SGO2: variants seen among roughly 807,000 people sequenced by gnomAD.
The protein encoded by SGO2 is shugoshin-like 2.
In SGO2, 68 loss-of-function variants were observed where a neutral mutation model predicts 99.5. The ratio of observed to expected loss-of-function variants is 0.68; its 90% confidence interval spans 0.56 to 0.84. The LOEUF (loss-of-function observed/expected upper bound fraction) is 0.84, where lower values mean the gene tolerates loss of function less well. Among genes scored for constraint, SGO2 ranks in the 40% least tolerant of loss-of-function variants. The pLI is 0.00. For synonymous variants in SGO2, 457 were observed against 487.1 expected, an observed-to-expected ratio of 0.94 and a Z score of 0.81; for missense variants, 1,350 against 1,436.7, an observed-to-expected ratio of 0.94 and a Z score of 0.97.
rs549080083 is a variant in SGO2, at chr2:200,556,678, G to A, written c.474-12985G>A. Among the ~76,000 whole-genome samples the A allele has an allele frequency of 5.3e-5, 8 of 152,268 alleles. No homozygotes were observed. In the East Asian group the frequency reaches 1.2e-3, roughly 22 times the overall value. Reference sequence around the variant, plus strand: ...GCCATAGTGAAAAGACAAAGCCTTCGCCAGTAAGCTACAGCATTGGGCAGT... The same window carrying A: ...GCCATAGTGAAAAGACAAAGCCTTCACCAGTAAGCTACAGCATTGGGCAGT... On this transcript the variant is annotated intron_variant, in intron 5 of 8. Coordinates refer to ENST00000357799, the MANE Select transcript of SGO2 (RefSeq NM_152524.6).
At chr2:200,534,287 G>T (rs969498045) in intron 2 of SGO2, among the ~76,000 whole-genome samples, 2 of 152,132 alleles carry the variant, frequency 1.3e-5, no homozygotes, top group African/African-American at 4.8e-5. Flanking sequence ...CTTTACCAGG[G>T]AATTCACAAT....
chr2:200,541,482 A>G (rs943019225), intron 4 of SGO2, among the ~76,000 whole-genome samples: 1 of 151,964 alleles, frequency 6.6e-6, no homozygotes, highest in East Asian at 1.9e-4. Flanking sequence ...CCTCATTCCC[A>G]TCTTCTGCCT....
In SGO2 at chr2:200,571,582, A is replaced by T. The variant is rs775793909; in HGVS notation, c.1236A>T (p.Arg412Ser). 2.0e-5 allele frequency: 33 copies of T among 1,612,292 alleles called. No homozygotes were observed. Among genetic ancestry groups the T allele is most frequent in the Admixed American group, 1.2e-4 (7 of 59,666 alleles). ...CCAGCTCTGAAAAAAAGAGAGAAAG[A>T]TCAAAGAGACAGTTTAAAAATAGTT... ...KDSSSEKKRERSKRQFKNSSD... is the reference protein window; with the variant it reads ...KDSSSEKKRESSKRQFKNSSD... The change falls in exon 7 of 9, where the codon AGA becomes AGT. Residue 412 changes from arginine (R) to serine (S), a missense_variant. Transcript: ENST00000357799.
intron 5 of SGO2, among the ~76,000 whole-genome samples, chr2:200,561,864 G>T (rs2032985021): frequency 6.6e-6 from 1 of 152,278 alleles, no homozygotes; most frequent in Admixed American, 6.5e-5. Flanking sequence ...CTTCTTTTGA[G>T]AAGTGTCTGT....
rs2033907574 is a variant in SGO2, at chr2:200,583,648, AT to A, written c.*188del. The A allele has an allele frequency of 2.6e-6, 1 of 383,604 alleles. No individual in the cohort carries two copies. The highest frequency in any genetic ancestry group is 4.6e-6 in the Non-Finnish European group (1 of 217,354). 23.8% of individuals were successfully genotyped at this position (383,604 alleles called of 1,614,324 possible). A position where few individuals can be genotyped will look rare whatever the true frequency, so the allele number is the denominator to read the frequency against. ...ATAGGTATATGTGCATAAAATAGCT[AT>A]TTTGTAACATTAAACTTTTTGAGTC... On this transcript the variant is annotated 3_prime_UTR_variant, in exon 9 of 9. Coordinates refer to ENST00000357799, the MANE Select transcript of SGO2 (RefSeq NM_152524.6).
intron 1 of SGO2, among the ~76,000 whole-genome samples, chr2:200,527,359 A>G (rs1440001129): frequency 6.6e-6 from 1 of 152,226 alleles, no homozygotes; most frequent in Non-Finnish European, 1.5e-5. Context: ...GAGATGAACT[A>G]GATTTCTATG....
chr2:200,542,717 A>T, intron 5 of SGO2, 53 bp downstream of exon 5: 1 of 1,443,170 alleles, frequency 6.9e-7, no homozygotes, highest in Non-Finnish European at 9.7e-7. Flanking sequence ...TTTATATAAC[A>T]CAATTAGTGT....
At position 200,542,679 on chromosome 2, in the gene SGO2, G is replaced by C. The variant is rs374844295; in HGVS notation, c.473+15G>C. The C allele has an allele frequency of 2.5e-6, 4 of 1,595,578 alleles. No individual in the cohort carries two copies. Among genetic ancestry groups the C allele is most frequent in the Non-Finnish European group, 3.4e-6 (4 of 1,164,562 alleles). On this transcript the variant is annotated intron_variant, in intron 5 of 8. Transcript: ENST00000357799. ...CCATTTGCAAGGTAAATATGGGCTT[G>C]AATTACACTAGTTCAGAGTATATAG... is the stretch of plus-strand genomic sequence containing the variant.
chr2:200,539,603 A>T (rs2031862478), intron 4 of SGO2, among the ~76,000 whole-genome samples: 1 of 152,072 alleles, frequency 6.6e-6, no homozygotes, highest in Non-Finnish European at 1.5e-5. Flanking sequence ...TGTAGGTAAG[A>T]TGCCATTTTT....
intron 5 of SGO2, among the ~76,000 whole-genome samples, chr2:200,561,439 A>G (rs1285850983): frequency 6.6e-6 from 1 of 152,136 alleles, no homozygotes; most frequent in Non-Finnish European, 1.5e-5. Context: ...AACCCAGTCT[A>G]TCATTGTTGG....
chr2:200,564,393 A>T (rs2033101631), intron 5 of SGO2, among the ~76,000 whole-genome samples: 1 of 152,148 alleles, frequency 6.6e-6, no homozygotes, highest in African/African-American at 2.4e-5. Flanking sequence ...CTCAATCCTG[A>T]GTTCTAGTTT....
Position 200,533,547 on chromosome 2 carries a change from G to GTGTGTGTGTGTGTA in SGO2, c.133+440_133+441insGTGTGTGTGTGTAT, listed in dbSNP as rs1396628320. Among the ~76,000 whole-genome samples, 533 of 143,042 alleles carry GTGTGTGTGTGTGTA rather than the reference G, an allele frequency of 3.7e-3. 1 individual carries two copies. The highest frequency in any genetic ancestry group is 4.9e-3 in the Non-Finnish European group (320 of 65,552). The allele number at this position is 143,042 out of a possible 152,430, so 93.8% of individuals were successfully genotyped here. A position where few individuals can be genotyped will look rare whatever the true frequency, so the allele number is the denominator to read the frequency against. On this transcript the variant is annotated intron_variant, in intron 2 of 8. Transcript: ENST00000357799. ...TGTGTGTGTGTGTGTGTGTGTGTGT[G>GTGTGTGTGTGTGTA]TATACATGTGACTTTATATAGGCAA...
At chr2:200,568,762 C>T (rs531744990) in intron 5 of SGO2, among the ~76,000 whole-genome samples, 22 of 152,288 alleles carry the variant, frequency 1.4e-4, no homozygotes, top group African/African-American at 4.6e-4. Context: ...GCACCCCCTT[C>T]GCTAGCTCTC....
chr2:200,542,686 A>C lies in SGO2; in HGVS notation c.473+22A>C, dbSNP rs997246711. The C allele has an allele frequency of 6.3e-6, 10 of 1,577,652 alleles. No individual in the cohort carries two copies. In the Admixed American group the frequency reaches 1.7e-4, roughly 27 times the overall value. ...CAAGGTAAATATGGGCTTGAATTAC[A>C]CTAGTTCAGAGTATATAGATTTTAT... is the stretch of plus-strand genomic sequence containing the variant. On this transcript the variant is annotated intron_variant, in intron 5 of 8. Transcript: ENST00000357799.
At chr2:200,554,723 ACACT>A (rs1232654286) in intron 5 of SGO2, among the ~76,000 whole-genome samples, 3 of 152,164 alleles carry the variant, frequency 2.0e-5, no homozygotes, top group Non-Finnish European at 4.4e-5. Context: ...AGAAAGGCAA[ACACT>A]CACATTTGAC....
At chr2:200,529,576 GCC>G (rs2031269590) in intron 1 of SGO2, among the ~76,000 whole-genome samples, 2 of 152,186 alleles carry the variant, frequency 1.3e-5, no homozygotes, top group African/African-American at 4.8e-5. Context: ...AGGCTGGAGT[GCC>G]ATGGTTTGAT....
chr2:200,545,282 C>CAGT (rs1313451704), intron 5 of SGO2, among the ~76,000 whole-genome samples: 1 of 152,202 alleles, frequency 6.6e-6, no homozygotes, highest in African/African-American at 2.4e-5. Context: ...GCTAGGATTA[C>CAGT]AGGTGTGAGC....
chr2:200,530,136 C>G (rs2031303267), intron 1 of SGO2, among the ~76,000 whole-genome samples: 1 of 152,042 alleles, frequency 6.6e-6, no homozygotes, highest in Non-Finnish European at 1.5e-5. Flanking sequence ...AAGTGGGAAC[C>G]ATGGGAGAGT....
chr2:200,568,427 A>G (rs985300306), intron 5 of SGO2, among the ~76,000 whole-genome samples: 1 of 152,234 alleles, frequency 6.6e-6, no homozygotes, highest in Non-Finnish European at 1.5e-5. Flanking sequence ...CAATTTTAAT[A>G]GGCACTAACC....
Sources: allele counts gnomAD v4.1 joint callset (sites outside exome capture counted in the v4.1 genomes callset), GRCh38; gene constraint gnomAD v4.1.1; transcripts MANE v1.5; gene names NCBI Gene and HGNC (gene_info 2026-07-23, HGNC 2026-07-21).